The following ZGPAT variants were observed in gnomAD, a reference collection of about 807,000 sequenced individuals.
The protein encoded by ZGPAT is zinc finger CCCH-type and G-patch domain containing.
Under a neutral mutation model 47.9 loss-of-function variants are expected in ZGPAT, and 39 were observed. The ratio of observed to expected loss-of-function variants is 0.81; its 90% CI spans 0.63 to 1.06. ZGPAT has a LOEUF of 1.06. Among genes scored for constraint, ZGPAT ranks in the 50% least tolerant of loss-of-function variants. The pLI, the probability that ZGPAT is intolerant of heterozygous loss-of-function variation, is 0.00. For synonymous variants in ZGPAT, 348 were observed against 292.9 expected (o/e 1.19, Z -1.92); for missense variants, 717 against 681.4 (o/e 1.05, Z -0.58).
intron 2 of ZGPAT, among the ~76,000 whole-genome samples, chr20:63,732,331 AC>A: frequency 2.5e-5 from 1 of 39,668 alleles, no homozygotes; most frequent in Non-Finnish European, 5.3e-5. Flanking sequence ...ATGTGTGTGC[AC>A]GTGTGTGGGT....
chr20:63,733,294 C>G lies in ZGPAT; in HGVS notation c.660C>G (p.Ala220=), dbSNP rs780210008. ...FQDPDLSSLQ[A]GSACLAKHQD... Reference sequence around the variant, plus strand: ...ACCCAGACCTGAGCTCCCTGCAGGCCGGCTCTGCGTGTCTGGCCAAGCACC... The same window carrying G: ...ACCCAGACCTGAGCTCCCTGCAGGCGGGCTCTGCGTGTCTGGCCAAGCACC... Residue 220 remains alanine (A), a synonymous_variant, in exon 3 of 7, where the codon GCC becomes GCG. Coordinates refer to ENST00000355969, the MANE Select transcript of ZGPAT (RefSeq NM_181485.3). 3.7e-6 allele frequency: 6 copies of G among 1,613,474 alleles called. No homozygotes were observed. In the African/African-American group the frequency reaches 5.3e-5, roughly 14 times the overall value.
intron 2 of ZGPAT, among the ~76,000 whole-genome samples, chr20:63,721,991 C>T (rs1024750094): frequency 7.7e-6 from 1 of 129,172 alleles, no homozygotes; most frequent in Non-Finnish European, 1.5e-5. Context: ...CCAGCCTGGG[C>T]GACAGAGTGA....
intron 2 of ZGPAT, among the ~76,000 whole-genome samples, chr20:63,726,579 A>G (rs181063304): frequency 2.0e-5 from 3 of 151,286 alleles, no homozygotes; most frequent in Non-Finnish European, 2.9e-5. Flanking sequence ...CTGAAGTGCA[A>G]TGGTGCAATC....
intron 2 of ZGPAT, among the ~76,000 whole-genome samples, chr20:63,729,023 TTTC>T (rs941721226): frequency 6.7e-6 from 1 of 150,006 alleles, no homozygotes. Context: ...TAGATTATTT[TTTC>T]TTTTTTTCTT....
chr20:63,730,141 G>C (rs931262981), intron 2 of ZGPAT: 1 of 152,118 alleles, frequency 6.6e-6, no homozygotes, highest in Admixed American at 6.5e-5. Context: ...ACTAATGATG[G>C]TGTGGGTGTG....
At chr20:63,724,049 C>T (rs1601331836) in intron 2 of ZGPAT, among the ~76,000 whole-genome samples, 1 of 152,044 alleles carries the variant, frequency 6.6e-6, no homozygotes, top group Non-Finnish European at 1.5e-5. Context: ...CACTGCACTC[C>T]AGCCTGGGTG....
chr20:63,713,590 G>C (rs1045111159), intron 2 of ZGPAT, among the ~76,000 whole-genome samples: 1 of 150,832 alleles, frequency 6.6e-6, no homozygotes, highest in African/African-American at 2.4e-5. Context: ...AGAAATACAA[G>C]CTGGGCACCG....
chr20:63,735,075 C>T lies in ZGPAT; in HGVS notation c.992-84C>T, dbSNP rs549951816. 20 of 1,438,164 alleles carry T rather than the reference C, an allele frequency of 1.4e-5. No individual in the cohort carries two copies. The African/African-American group carries it at 1.6e-4, about 11-fold the overall frequency. The allele number at this position is 1,438,164 out of a possible 1,614,324, so 89.1% of individuals were successfully genotyped here. On this transcript the variant is annotated intron_variant, in intron 5 of 6. Coordinates refer to ENST00000355969, the MANE Select transcript of ZGPAT (RefSeq NM_181485.3). ...CGTGCTCCTCAGATTCCCGGGGTCC[C>T]GTGGCCACAGCACTGCCATCCCCGT...
chr20:63,725,521 G>A (rs1010708782), intron 2 of ZGPAT, among the ~76,000 whole-genome samples: 4 of 152,030 alleles, frequency 2.6e-5, no homozygotes, highest in African/African-American at 9.7e-5. Flanking sequence ...TTCTCTTGAT[G>A]TTTTCAAGAT....
At chr20:63,728,603 C>G (rs1273605520) in intron 2 of ZGPAT, among the ~76,000 whole-genome samples, 1 of 152,210 alleles carries the variant, frequency 6.6e-6, no homozygotes, top group Non-Finnish European at 1.5e-5. Context: ...CTGAGCCCTT[C>G]TGTGGCTCTC....
chr20:63,725,343 T>A (rs1320156296), intron 2 of ZGPAT, among the ~76,000 whole-genome samples: 4 of 152,356 alleles, frequency 2.6e-5, no homozygotes, highest in South Asian at 4.1e-4. Flanking sequence ...GGGAATGTCT[T>A]TATTTCAGCT....
intron 2 of ZGPAT, among the ~76,000 whole-genome samples, chr20:63,732,950 ATG>A (rs923228168): frequency 4.7e-5 from 7 of 150,410 alleles, no homozygotes; most frequent in Non-Finnish European, 7.4e-5. Context: ...GTGTGTATAT[ATG>A]TGTATGTGTG....
intron 2 of ZGPAT, among the ~76,000 whole-genome samples, chr20:63,727,598 G>A (rs1459144717): frequency 6.6e-6 from 1 of 150,796 alleles, no homozygotes; most frequent in Non-Finnish European, 1.5e-5. Context: ...TTGAACTTGG[G>A]AGGTGGAGGT....
intron 2 of ZGPAT, among the ~76,000 whole-genome samples, chr20:63,720,835 C>T (rs1475207153): frequency 1.3e-5 from 2 of 152,174 alleles, no homozygotes; most frequent in East Asian, 3.9e-4. Flanking sequence ...GAAACCTGCA[C>T]AATTTGAAGA....
chr20:63,731,602 GT>G (rs905987088), intron 2 of ZGPAT, among the ~76,000 whole-genome samples: 2 of 148,864 alleles, frequency 1.3e-5, no homozygotes, highest in African/African-American at 5.0e-5. Flanking sequence ...AAAGTGTACA[GT>G]TGGCCCTTGG....
chr20:63,718,570 C>T (rs981765932), intron 2 of ZGPAT, among the ~76,000 whole-genome samples: 2 of 151,994 alleles, frequency 1.3e-5, no homozygotes, highest in Admixed American at 6.6e-5. Context: ...ATCTGCCCGC[C>T]TTGGCCTCCC....
intron 2 of ZGPAT, among the ~76,000 whole-genome samples, chr20:63,712,694 A>C (rs2091682281): frequency 6.6e-6 from 1 of 152,180 alleles, no homozygotes; most frequent in Non-Finnish European, 1.5e-5. Flanking sequence ...TCAGGAGTTC[A>C]AGACCAGCCT....
Position 63,709,131 on chromosome 20 carries a change from T to A in ZGPAT, c.551T>A (p.Leu184Gln). 1 of 1,612,450 alleles carries A rather than the reference T, an allele frequency of 6.2e-7. No homozygotes were observed. Among genetic ancestry groups the A allele is most frequent in the Non-Finnish European group, 8.5e-7 (1 of 1,179,998 alleles). Residue 184 changes from leucine to glutamine, a missense_variant, in exon 2 of 7, where the codon CTG becomes CAG. Physicochemically the swap from Leu to Gln is moderately radical, Grantham distance 113 (BLOSUM62 -2). Transcript: ENST00000355969. ...HKSLKPCPFF[L>Q]EGKCRFKENC... ...TCTCTGAAGCCGTGCCCGTTCTTCC[T>A]GGAGGGAAAGTGCCGCTTTAAGGAG...
At chr20:63,728,777 C>T (rs1433520934) in intron 2 of ZGPAT, among the ~76,000 whole-genome samples, 1 of 152,220 alleles carries the variant, frequency 6.6e-6, no homozygotes, top group Non-Finnish European at 1.5e-5. Flanking sequence ...ACATCCACCT[C>T]TGCTGCTGCT....
Sources: allele counts gnomAD v4.1 joint callset (sites outside exome capture counted in the v4.1 genomes callset), GRCh38; gene constraint gnomAD v4.1.1; transcripts MANE v1.5; gene names NCBI Gene and HGNC (gene_info 2026-07-23, HGNC 2026-07-21).